MFF: variants seen among roughly 807,000 people sequenced by gnomAD.
MFF encodes the protein chromosome 2 open reading frame 33.
A neutral mutation model predicts 36.9 loss-of-function variants in MFF; 12 were observed. That is an observed-to-expected ratio of 0.33 (90% CI 0.21 to 0.53). MFF has a LOEUF of 0.53. MFF is among the 20% of genes least tolerant of loss of function. The pLI is 0.95. For synonymous variants in MFF, 99 were observed against 126.2 expected (o/e 0.78, Z 1.44); for missense variants, 348 against 366.6 (o/e 0.95, Z 0.42).
chr2:227,336,800 C>T lies in MFF; in HGVS notation c.352-3492C>T, dbSNP rs192351364. Among the ~76,000 whole-genome samples the T allele has an allele frequency of 2.0e-5, 3 of 152,256 alleles. No homozygotes were observed. The East Asian group carries it at 5.8e-4, about 29-fold the overall frequency. ...GAAGGCCCTAGACCTGTAATTCTAC[C>T]GTAAAGAAGTAGCAGATGGTTATTG... On this transcript the variant is annotated intron_variant, in intron 4 of 8. Coordinates refer to ENST00000304593, the MANE Select transcript of MFF (RefSeq NM_001277062.2).
chr2:227,329,650 G>A (rs998778446), intron 2 of MFF: 49 of 881,736 alleles, frequency 5.6e-5, no homozygotes, highest in Non-Finnish European at 9.1e-5. Flanking sequence ...TCCAAAAAAA[G>A]TTCAAATGTG....
At chr2:227,336,997 C>CT (rs1420162889) in intron 4 of MFF, among the ~76,000 whole-genome samples, 1 of 152,204 alleles carries the variant, frequency 6.6e-6, no homozygotes, top group Non-Finnish European at 1.5e-5. Context: ...TCTGATCACA[C>CT]TTTGGTGATG....
chr2:227,329,810 T>G (rs747805471), intron 2 of MFF: 9 of 1,457,986 alleles, frequency 6.2e-6, no homozygotes, highest in Non-Finnish European at 8.4e-6. Context: ...TCAGTTGAGC[T>G]GGTATTATAG....
At position 227,330,811 on chromosome 2, in the gene MFF, T is replaced by C. The variant is rs1352655321; in HGVS notation, c.146T>C (p.Val49Ala). 6.2e-7 allele frequency: 1 copy of C among 1,614,104 alleles called. No individual in the cohort carries two copies. The highest frequency in any genetic ancestry group is 1.3e-5 in the African/African-American group (1 of 74,946). ...CAAGAAGGAGTTCCAAATGCTAGTGTGATAATGCAAGTTCCGGAGAGGATT... is the reference window on the plus strand; with the variant it reads ...CAAGAAGGAGTTCCAAATGCTAGTGCGATAATGCAAGTTCCGGAGAGGATT... ...GFQEGVPNAS[V>A]IMQVPERIVV... The change falls in exon 3 of 9, where the codon GTG becomes GCG. Residue 49 changes from valine to alanine, a missense_variant. Val to Ala is a moderately conservative substitution (Grantham distance 64, BLOSUM62 0). Transcript: ENST00000304593.
chr2:227,353,771 A>G (rs975772670), intron 7 of MFF, among the ~76,000 whole-genome samples: 2 of 152,214 alleles, frequency 1.3e-5, no homozygotes, highest in African/African-American at 4.8e-5. Flanking sequence ...GAGATTTCAG[A>G]TATCTAAACC....
chr2:227,344,272 T>A (rs1351474772), intron 5 of MFF, among the ~76,000 whole-genome samples: 1 of 152,242 alleles, frequency 6.6e-6, no homozygotes, highest in Non-Finnish European at 1.5e-5. Flanking sequence ...CAAATTGCAT[T>A]TTTATTAAAT....
At chr2:227,350,080 T>C (rs561637578) in intron 6 of MFF, among the ~76,000 whole-genome samples, 1 of 152,260 alleles carries the variant, frequency 6.6e-6, no homozygotes, top group East Asian at 1.9e-4. Context: ...TATATTTTTT[T>C]CTTACAAGAA....
intron 5 of MFF, among the ~76,000 whole-genome samples, chr2:227,343,513 G>A (rs1379731769): frequency 6.6e-6 from 1 of 152,164 alleles, no homozygotes; most frequent in African/African-American, 2.4e-5. Flanking sequence ...CATAGATAGT[G>A]GCAATATATT....
At chr2:227,328,467 A>G (rs1243398132) in intron 1 of MFF, among the ~76,000 whole-genome samples, 5 of 152,218 alleles carry the variant, frequency 3.3e-5, no homozygotes, top group African/African-American at 1.2e-4. Flanking sequence ...AGTCTTTTAT[A>G]TTGCCTTAAC....
chr2:227,326,259 C>G (rs150200997), intron 1 of MFF, among the ~76,000 whole-genome samples: 1 of 151,530 alleles, frequency 6.6e-6, no homozygotes, highest in East Asian at 1.9e-4. Flanking sequence ...GCCCTTCTGC[C>G]CAAATATAGA....
chr2:227,355,541 A>C, intron 7 of MFF, 136 bp from the exon 8 acceptor site: 1 of 467,748 alleles, frequency 2.1e-6, no homozygotes, highest in Non-Finnish European at 3.9e-6. Context: ...AGGTAGTAAA[A>C]TATTTTAGTA....
intron 6 of MFF, among the ~76,000 whole-genome samples, chr2:227,349,858 C>T (rs2075899044): frequency 6.6e-6 from 1 of 151,998 alleles, no homozygotes; most frequent in African/African-American, 2.4e-5. Context: ...TATTTTATTA[C>T]TCTTGGCTAT....
At chr2:227,329,677 T>C in intron 2 of MFF, 1 of 1,140,390 alleles carries the variant, frequency 8.8e-7, no homozygotes, top group Non-Finnish European at 1.3e-6. Context: ...AATTGTTGTG[T>C]AAAGTAAACT....
chr2:227,338,966 G>A (rs766762200), intron 4 of MFF, among the ~76,000 whole-genome samples: 4 of 151,476 alleles, frequency 2.6e-5, no homozygotes, highest in Non-Finnish European at 5.9e-5. Flanking sequence ...ACTTTGGGAG[G>A]CCAAGGTGGG....
At position 227,352,517 on chromosome 2, in the gene MFF, T is replaced by G. The variant is rs1430551558; in HGVS notation, c.603T>G (p.Pro201=). 1 of 1,613,772 alleles carries G rather than the reference T, an allele frequency of 6.2e-7. No individual in the cohort carries two copies. Among genetic ancestry groups the G allele is most frequent in the East Asian group, 2.2e-5 (1 of 44,874 alleles). ...ILDVLDENRR[P]VLRGGSAAAT... is the part of the protein sequence containing the mutation. ...CTCCCGCAAAAACCTGCCTTAGACC[T>G]GTGTTGCGTGGTGGGTCTGCTGCCG... The change falls in exon 7 of 9, where the codon CCT becomes CCG. Residue 201 remains proline (P), a synonymous_variant. Transcript: ENST00000304593.
At chr2:227,344,852 A>C (rs1027089848) in intron 5 of MFF, among the ~76,000 whole-genome samples, 1 of 152,198 alleles carries the variant, frequency 6.6e-6, no homozygotes, top group African/African-American at 2.4e-5. Flanking sequence ...TAGAACCTCA[A>C]GTTATGTTTT....
intron 7 of MFF, 82 bp from the exon 8 acceptor site, chr2:227,355,595 A>G (rs1401589672): frequency 5.3e-6 from 4 of 750,116 alleles, no homozygotes; most frequent in Admixed American, 4.1e-5. Flanking sequence ...TACTTTGAGC[A>G]TTACACAAAG....
At chr2:227,335,700 T>G (rs1405464266) in intron 4 of MFF, among the ~76,000 whole-genome samples, 1 of 152,188 alleles carries the variant, frequency 6.6e-6, no homozygotes, top group African/African-American at 2.4e-5. Context: ...GCAGTTGTAC[T>G]TGAGTTCTTA....
chr2:227,353,220 A>G (rs781559057), intron 7 of MFF, among the ~76,000 whole-genome samples: 9 of 152,214 alleles, frequency 5.9e-5, no homozygotes, highest in Non-Finnish European at 1.0e-4. Flanking sequence ...ATACAAATAC[A>G]TGCAGTTCTT....
Sources: gnomAD v4.1 joint callset for allele counts (sites outside exome capture counted in the v4.1 genomes callset) on GRCh38, gnomAD v4.1.1 for gene constraint, MANE v1.5 for transcripts, NCBI Gene and HGNC (gene_info 2026-07-23, HGNC 2026-07-21) for gene names.